The following SOX5 variants were observed in gnomAD, a reference collection of about 807,000 sequenced individuals.
The protein encoded by SOX5 is transcription factor SOX-5.
In SOX5, 9 loss-of-function variants were observed where a neutral mutation model predicts 92.0. The ratio of observed to expected loss-of-function variants is 0.10; its 90% confidence interval spans 0.06 to 0.17. The LOEUF (loss-of-function observed/expected upper bound fraction) is 0.17, where lower values mean the gene tolerates loss of function less well. Ranked by LOEUF, SOX5 falls within the 10% of genes least tolerant of loss-of-function variation. The probability of loss-of-function intolerance (pLI) is 1.00; values close to 1 mark genes in which losing one functional copy is unlikely to be tolerated. For missense variants in SOX5, 642 were observed against 944.5 expected, an observed-to-expected ratio of 0.68 and a Z score of 4.20; for synonymous variants, 344 against 336.3, an observed-to-expected ratio of 1.02 and a Z score of -0.25.
At chr12:24,436,995 T>G (rs1171656396) in intron 1 of SOX5, among the ~76,000 whole-genome samples, 2 of 152,192 alleles carry the variant, frequency 1.3e-5, no homozygotes, top group African/African-American at 4.8e-5. Flanking sequence ...GTAGTTTAAG[T>G]GCACTGTTGA....
intron 10 of SOX5, among the ~76,000 whole-genome samples, chr12:23,564,220 TTTAC>T (rs1946691267): frequency 6.6e-6 from 1 of 152,192 alleles, no homozygotes; most frequent in Non-Finnish European, 1.5e-5. Flanking sequence ...AAAACTAATT[TTTAC>T]TTAATTTTAT....
At chr12:23,726,228 A>G (rs1212119384) in intron 6 of SOX5, among the ~76,000 whole-genome samples, 1 of 151,612 alleles carries the variant, frequency 6.6e-6, no homozygotes, top group Non-Finnish European at 1.5e-5. Flanking sequence ...CAAAAGCTCA[A>G]AAGAGTAGAA....
chr12:23,548,403 T>C (rs1372392124), intron 11 of SOX5, among the ~76,000 whole-genome samples: 1 of 152,018 alleles, frequency 6.6e-6, no homozygotes, highest in African/African-American at 2.4e-5. Flanking sequence ...ATTAATAAAA[T>C]GATTCAGTTA....
chr12:23,618,177 T>C (rs1566397072), intron 8 of SOX5, among the ~76,000 whole-genome samples: 1 of 152,200 alleles, frequency 6.6e-6, no homozygotes, highest in Non-Finnish European at 1.5e-5. Flanking sequence ...ACTTATATCT[T>C]TAATTAGTTT....
At chr12:23,852,780 C>A (rs555055726) in intron 2 of SOX5, among the ~76,000 whole-genome samples, 2 of 151,962 alleles carry the variant, frequency 1.3e-5, no homozygotes, top group Non-Finnish European at 2.9e-5. Context: ...TTGGCATCAC[C>A]GGGGAACACT....
chr12:23,792,664 T>TAAAAAAAAAAA, intron 3 of SOX5, among the ~76,000 whole-genome samples: 1 of 86,176 alleles, frequency 1.2e-5, no homozygotes, highest in Non-Finnish European at 2.1e-5. Flanking sequence ...AAAAAAAAAC[T>TAAAAAAAAAAA]TGGACAAAGC....
intron 1 of SOX5, among the ~76,000 whole-genome samples, chr12:24,385,975 AT>A (rs1263073932): frequency 1.3e-5 from 2 of 151,700 alleles, no homozygotes; most frequent in Admixed American, 6.6e-5. Context: ...CATTTTAAAA[AT>A]AAATTTAAAA....
In SOX5 at chr12:24,354,346, A is replaced by C. The variant is rs934313788; in HGVS notation, c.-174+14217T>G. ...GAGTGCACCATGTGTGAGAAACTGA[A>C]GGAGGCCAGTGGGTCTGCTCTGCAG... On this transcript the variant is annotated intron_variant, in intron 2 of 4. Transcript: ENST00000446891. Among the ~76,000 whole-genome samples, 3 of 152,246 alleles carry C rather than the reference A, an allele frequency of 2.0e-5. No homozygotes were observed. In the East Asian group the frequency reaches 5.8e-4, roughly 29 times the overall value.
chr12:23,759,562 C>G (rs1221108298), intron 3 of SOX5, among the ~76,000 whole-genome samples: 4 of 151,970 alleles, frequency 2.6e-5, no homozygotes, highest in Admixed American at 2.6e-4. Flanking sequence ...CTTGAAATAA[C>G]AGTAAGAAAT....
At chr12:23,918,855 T>G (rs2097448363) in intron 1 of SOX5, among the ~76,000 whole-genome samples, 1 of 151,184 alleles carries the variant, frequency 6.6e-6, no homozygotes, top group Non-Finnish European at 1.5e-5. Context: ...AGGTGGAGGT[T>G]GCAGTGAGCC....
intron 4 of SOX5, among the ~76,000 whole-genome samples, chr12:24,169,526 ATCT>A (rs1236469224): frequency 1.3e-5 from 2 of 152,208 alleles, no homozygotes; most frequent in African/African-American, 4.8e-5. Context: ...CTCGGCCATG[ATCT>A]TCATAGTGTT....
chr12:23,884,811 G>A (rs2097045197), intron 2 of SOX5, among the ~76,000 whole-genome samples: 2 of 152,110 alleles, frequency 1.3e-5, no homozygotes, highest in South Asian at 2.1e-4. Context: ...GTTAATATAC[G>A]ATTGGCTAAG....
intron 3 of SOX5, among the ~76,000 whole-genome samples, chr12:24,275,780 G>A (rs1356555500): frequency 6.6e-6 from 1 of 152,106 alleles, no homozygotes; most frequent in Non-Finnish European, 1.5e-5. Flanking sequence ...GCTGTTTACA[G>A]AAGTGGCCAA....
At chr12:24,534,352 T>C (rs895228724) in intron 1 of SOX5, among the ~76,000 whole-genome samples, 2 of 151,998 alleles carry the variant, frequency 1.3e-5, no homozygotes, top group African/African-American at 2.4e-5. Context: ...TGGTAGAAAG[T>C]CTTCTTTCTT....
rs577245427 is a variant in SOX5 at position 24,040,149 on chromosome 12, T to C, written c.-1-144125A>G. Among the ~76,000 whole-genome samples, 13 of 152,306 alleles carry C rather than the reference T, an allele frequency of 8.5e-5. No individual in the cohort carries two copies. In the South Asian group the frequency reaches 2.5e-3, roughly 29 times the overall value. On this transcript the variant is annotated intron_variant, in intron 4 of 4. Transcript: ENST00000446891. ...GGAAGATAATGTTCCTAGGAACATATAGATTTAAAAAACCAGCAAATAGGA... is the reference window on the plus strand; with the variant it reads ...GGAAGATAATGTTCCTAGGAACATACAGATTTAAAAAACCAGCAAATAGGA...
At chr12:24,320,958 C>G (rs1595551838) in intron 2 of SOX5, among the ~76,000 whole-genome samples, 1 of 152,216 alleles carries the variant, frequency 6.6e-6, no homozygotes, top group African/African-American at 2.4e-5. Flanking sequence ...TGTGACCAAC[C>G]TAATACAAGA....
At chr12:23,731,868 C>T (rs1231893059) in intron 6 of SOX5, among the ~76,000 whole-genome samples, 1 of 152,060 alleles carries the variant, frequency 6.6e-6, no homozygotes, top group Non-Finnish European at 1.5e-5. Context: ...TTTCTAAGGT[C>T]TGGAACAACA....
chr12:24,020,405 A>T (rs148517228), intron 4 of SOX5, among the ~76,000 whole-genome samples: 126 of 152,320 alleles, frequency 8.3e-4, no homozygotes, highest in African/African-American at 2.9e-3. Flanking sequence ...CAGAATTAAC[A>T]ATGTTCAGGC....
At chr12:23,843,181 A>C (rs1219752012) in intron 3 of SOX5, among the ~76,000 whole-genome samples, 2 of 150,748 alleles carry the variant, frequency 1.3e-5, no homozygotes, top group East Asian at 3.9e-4. Flanking sequence ...ATGAAAAACA[A>C]GGACATTCTG....
Sources: allele counts gnomAD v4.1 joint callset (sites outside exome capture counted in the v4.1 genomes callset), GRCh38; gene constraint gnomAD v4.1.1; transcripts MANE v1.5; gene names NCBI Gene and HGNC (gene_info 2026-07-23, HGNC 2026-07-21).